The following NOL4L variants were observed in gnomAD, a reference collection of about 807,000 sequenced individuals.
The protein encoded by NOL4L is nucleolar protein 4 like.
A neutral mutation model predicts 64.5 loss-of-function variants in NOL4L; 7 were observed. The ratio of observed to expected loss-of-function variants is 0.11; its 90% CI spans 0.06 to 0.20. The LOEUF is 0.20. Among genes scored for constraint, NOL4L ranks in the 10% least tolerant of loss-of-function variants. The pLI is 1.00. For missense variants in NOL4L, 680 were observed against 967.1 expected (o/e 0.70, Z 3.94); for synonymous variants, 413 against 401.0 (o/e 1.03, Z -0.36).
At chr20:32,508,911 T>C (rs2017254548) in intron 4 of NOL4L, among the ~76,000 whole-genome samples, 1 of 152,208 alleles carries the variant, frequency 6.6e-6, no homozygotes, top group African/African-American at 2.4e-5. Context: ...TCACATTCTC[T>C]GCTGCAGCCA....
chr20:32,493,272 CA>C (rs1431215575), intron 4 of NOL4L, among the ~76,000 whole-genome samples: 1 of 152,142 alleles, frequency 6.6e-6, no homozygotes, highest in Non-Finnish European at 1.5e-5. Context: ...GGCAGGTTAC[CA>C]AGAGAAAGAG....
intron 4 of NOL4L, among the ~76,000 whole-genome samples, chr20:32,499,878 A>C (rs2016849901): frequency 6.6e-6 from 1 of 152,116 alleles, no homozygotes; most frequent in African/African-American, 2.4e-5. Context: ...TAAAGTTTTC[A>C]CACTTAAAAC....
chr20:32,474,818 C>A, intron 4 of NOL4L, 76 bp from the exon 5 acceptor site: 1 of 1,486,582 alleles, frequency 6.7e-7, no homozygotes. Flanking sequence ...GTGGGTGGAC[C>A]CCAGGGCCAG....
intron 5 of NOL4L, among the ~76,000 whole-genome samples, chr20:32,465,778 C>T (rs757146119): frequency 6.6e-6 from 1 of 152,240 alleles, no homozygotes; most frequent in Non-Finnish European, 1.5e-5. Context: ...ATGACGCCAA[C>T]GCGGCCTGGT....
chr20:32,562,839 C>T (rs1301416691), intron 1 of NOL4L, among the ~76,000 whole-genome samples: 2 of 149,050 alleles, frequency 1.3e-5, no homozygotes, highest in African/African-American at 5.0e-5. Flanking sequence ...GGCTGACAGC[C>T]CTTCCACCAC....
intron 1 of NOL4L, among the ~76,000 whole-genome samples, chr20:32,581,411 A>G (rs1163964407): frequency 6.6e-6 from 1 of 152,184 alleles, no homozygotes; most frequent in Non-Finnish European, 1.5e-5. Flanking sequence ...GGGACAGGAC[A>G]AGTGGTGTCA....
chr20:32,472,790 C>G (rs1302976620), intron 5 of NOL4L, among the ~76,000 whole-genome samples: 1 of 152,166 alleles, frequency 6.6e-6, no homozygotes, highest in Non-Finnish European at 1.5e-5. Context: ...TCGGAGGGGA[C>G]AGTGAGGCCC....
intron 1 of NOL4L, chr20:32,573,692 G>A (rs1333151120): frequency 5.2e-6 from 1 of 192,164 alleles, no homozygotes; most frequent in Non-Finnish European, 1.1e-5. Context: ...AGCAGTAAGC[G>A]GCAGAACCTG....
At chr20:32,482,444 T>A (rs572049991) in intron 4 of NOL4L, among the ~76,000 whole-genome samples, 100 of 151,954 alleles carry the variant, frequency 6.6e-4, no homozygotes, top group Middle Eastern at 3.4e-3. Context: ...GGGAGCAGGG[T>A]CACTTCTGCT....
At chr20:32,527,951 TGATGGC>T (rs1211377086) in intron 1 of NOL4L, 38 bp from the exon 2 acceptor site, 3 of 1,537,038 alleles carry the variant, frequency 2.0e-6, no homozygotes, top group African/African-American at 2.8e-5. Context: ...GTGTCAGGAA[TGATGGC>T]GGGGTGAGAA....
At chr20:32,474,570 CCCT>C (rs780830424) in intron 5 of NOL4L, 28 bp downstream of exon 5, 10 of 1,595,366 alleles carry the variant, frequency 6.3e-6, no homozygotes, top group South Asian at 2.2e-5. Context: ...CGGGCACAGC[CCCT>C]CCTCAACTGC....
chr20:32,580,583 T>A (rs1315471057), intron 1 of NOL4L, among the ~76,000 whole-genome samples: 1 of 152,196 alleles, frequency 6.6e-6, no homozygotes, highest in Non-Finnish European at 1.5e-5. Context: ...AAAGCCTGGT[T>A]TTGAGAGTGG....
At position 32,490,128 on chromosome 20, in the gene NOL4L, C is replaced by CAAAAA. The variant is rs747449024; in HGVS notation, c.700-15391_700-15387dup. Reference sequence around the variant, plus strand: ...TGGGTGACAGAGAGAGACTCCATCTCAAAAAAAAAAAAAAAAATATATATA... The same window carrying CAAAAA: ...TGGGTGACAGAGAGAGACTCCATCTCAAAAAAAAAAAAAAAAAAAAAATATATATA... On this transcript the variant is annotated intron_variant, in intron 4 of 10. Coordinates refer to ENST00000621426, the MANE Select transcript of NOL4L (RefSeq NM_001256798.2). Among the ~76,000 whole-genome samples, 49 of 69,094 alleles carry CAAAAA rather than the reference C, an allele frequency of 7.1e-4. No individual in the cohort carries two copies. In the South Asian group the frequency reaches 0.01, roughly 14 times the overall value. The allele number at this position is 69,094 out of a possible 152,430, so 45.3% of individuals were successfully genotyped here.
Position 32,453,647 on chromosome 20 carries a change from C to T in NOL4L, c.1234G>A (p.Asp412Asn), listed in dbSNP as rs1481959674. ...PTADDDDDDH[D>N]DHEDNDKMND... Reference sequence around the variant, plus strand: ...ATCTTGTCATTGTCCTCATGGTCATCGTGGTCATCGTCGTCATCATCTGCC... The same window carrying T: ...ATCTTGTCATTGTCCTCATGGTCATTGTGGTCATCGTCGTCATCATCTGCC... Residue 412 changes from aspartate (D) to asparagine (N), a missense_variant, in exon 7 of 11, where the codon GAT becomes AAT. Physicochemically the swap from Asp to Asn is conservative, Grantham distance 23. Transcript: ENST00000621426. This position sits in a 1 kb window ranked among gnomAD's most constrained non-coding sequence, Gnocchi z 5.6. 4 of 1,600,748 alleles carry T rather than the reference C, an allele frequency of 2.5e-6. No individual in the cohort carries two copies. The highest frequency in any genetic ancestry group is 3.4e-6 in the Non-Finnish European group (4 of 1,173,632).
rs564791117 is a variant in NOL4L at position 32,526,049 on chromosome 20, C to G, written c.477+1709G>C. Among the ~76,000 whole-genome samples the G allele has an allele frequency of 2.0e-5, 3 of 149,808 alleles. No individual in the cohort carries two copies. The South Asian group carries it at 6.3e-4, about 31-fold the overall frequency. ...CTGGGATTACAAGCATGAGCCACCA[C>G]GCCTGGCCCCAATTTTTTTTTTTAA... is the stretch of plus-strand genomic sequence containing the variant. On this transcript the variant is annotated intron_variant, in intron 2 of 10. Transcript: ENST00000621426.
chr20:32,481,964 C>CG (rs61641396), intron 4 of NOL4L, among the ~76,000 whole-genome samples: 8,660 of 27,812 alleles, frequency 0.31, 1,049 homozygotes, highest in East Asian at 0.55. Flanking sequence ...TGGGGCGGGG[C>CG]GGGGGGGGGG....
intron 4 of NOL4L, among the ~76,000 whole-genome samples, chr20:32,508,598 C>A (rs2017237145): frequency 6.6e-6 from 1 of 152,224 alleles, no homozygotes; most frequent in Non-Finnish European, 1.5e-5. Context: ...CTGCCGCACT[C>A]AGAAGAAGCT....
intron 1 of NOL4L, among the ~76,000 whole-genome samples, chr20:32,550,076 A>C (rs929604417): frequency 1.3e-5 from 2 of 152,230 alleles, no homozygotes; most frequent in Non-Finnish European, 2.9e-5. Context: ...TATTATCAGC[A>C]ATAAAAAGGA....
intron 4 of NOL4L, among the ~76,000 whole-genome samples, chr20:32,488,784 TTCCTTC>T (rs1568647712): frequency 2.6e-4 from 12 of 45,854 alleles, no homozygotes; most frequent in East Asian, 3.4e-3. Flanking sequence ...CCTTCCTTCC[TTCCTTC>T]CTTTCTTTCT....
Sources: allele counts gnomAD v4.1 joint callset (sites outside exome capture counted in the v4.1 genomes callset), GRCh38; gene constraint gnomAD v4.1.1; non-coding constraint Gnocchi (gnomAD v3.1); transcripts MANE v1.5; gene names NCBI Gene and HGNC (gene_info 2026-07-23, HGNC 2026-07-21).